The following WDR7 variants were observed in gnomAD, a reference collection of about 807,000 sequenced individuals.
WDR7 encodes the protein WD repeat-containing protein 7.
WDR7 carries 46 observed loss-of-function variants against 169.4 expected under a neutral mutation model. That is an observed-to-expected ratio of 0.27 (90% CI 0.21 to 0.35). The LOEUF (loss-of-function observed/expected upper bound fraction) is 0.35, where lower values mean the gene tolerates loss of function less well. WDR7 is among the 10% of genes least tolerant of loss of function. WDR7 has a pLI of 1.00. For missense variants in WDR7, 1,534 were observed against 1,859.3 expected (o/e 0.83, Z 3.22); for synonymous variants, 612 against 666.8 (o/e 0.92, Z 1.27).
chr18:56,974,361 G>GC (rs146651837), intron 26 of WDR7, among the ~76,000 whole-genome samples: 4,791 of 121,276 alleles, frequency 0.04, 111 homozygotes, highest in Non-Finnish European at 0.052. Flanking sequence ...TGCTTTTCTT[G>GC]CTTTTTTTTT....
chr18:56,795,437 AATCTT>A (rs1252212396), intron 19 of WDR7, among the ~76,000 whole-genome samples: 1 of 152,130 alleles, frequency 6.6e-6, no homozygotes, highest in Non-Finnish European at 1.5e-5. Flanking sequence ...CTTTCATTTG[AATCTT>A]AGAGTATATA....
intron 14 of WDR7, among the ~76,000 whole-genome samples, chr18:56,740,022 A>G (rs943264929): frequency 6.6e-6 from 1 of 152,074 alleles, no homozygotes; most frequent in Non-Finnish European, 1.5e-5. Flanking sequence ...AGAAACTCCA[A>G]TAACATGTAA....
chr18:57,004,826 T>C (rs2048033065), intron 26 of WDR7, among the ~76,000 whole-genome samples: 1 of 152,186 alleles, frequency 6.6e-6, no homozygotes, highest in African/African-American at 2.4e-5. Context: ...CATTATGACA[T>C]TGAGTTCTGA....
chr18:56,904,863 T>G (rs933385142), intron 21 of WDR7, among the ~76,000 whole-genome samples: 1 of 152,132 alleles, frequency 6.6e-6, no homozygotes, highest in Admixed American at 6.6e-5. Flanking sequence ...ATTAACAAAT[T>G]GTTATATAAA....
intron 26 of WDR7, among the ~76,000 whole-genome samples, chr18:57,004,213 A>G (rs536870444): frequency 6.6e-6 from 1 of 152,174 alleles, no homozygotes; most frequent in Non-Finnish European, 1.5e-5. Context: ...AATATCTAGG[A>G]GCTCCAGATA....
At chr18:56,805,276 CCTAACATGATGTAA>C (rs879522477) in intron 19 of WDR7, among the ~76,000 whole-genome samples, 96 of 152,290 alleles carry the variant, frequency 6.3e-4, no homozygotes, top group Non-Finnish European at 1.1e-3. Context: ...GGTAATACTT[CCTAACATGATGTAA>C]CTAACATGAT....
chr18:56,927,250 C>T, intron 22 of WDR7, among the ~76,000 whole-genome samples: 1 of 152,142 alleles, frequency 6.6e-6, no homozygotes, highest in Non-Finnish European at 1.5e-5. Context: ...CATGTCCCGA[C>T]ATCTCCTGCT....
At chr18:56,879,513 A>G (rs184457146) in intron 20 of WDR7, among the ~76,000 whole-genome samples, 2 of 152,324 alleles carry the variant, frequency 1.3e-5, no homozygotes, top group East Asian at 1.9e-4. Context: ...TGATTTGACA[A>G]TAGTTTCTCT....
chr18:57,021,111 C>A (rs1568317232), intron 27 of WDR7, among the ~76,000 whole-genome samples: 3 of 152,162 alleles, frequency 2.0e-5, no homozygotes, highest in South Asian at 2.1e-4. Context: ...AATAAGCAAG[C>A]AATTATGGTC....
chr18:56,744,225 C>T (rs1402042576), intron 14 of WDR7, among the ~76,000 whole-genome samples: 1 of 118,816 alleles, frequency 8.4e-6, no homozygotes, highest in African/African-American at 3.2e-5. Context: ...GGTGACAGAG[C>T]GAGACTCCGT....
At chr18:57,002,678 G>C (rs1308291167) in intron 26 of WDR7, among the ~76,000 whole-genome samples, 1 of 152,152 alleles carries the variant, frequency 6.6e-6, no homozygotes, top group East Asian at 1.9e-4. Flanking sequence ...AAAATGTTCT[G>C]TAACACTTGA....
chr18:56,888,800 C>T (rs1047307438), intron 21 of WDR7, among the ~76,000 whole-genome samples: 3 of 152,072 alleles, frequency 2.0e-5, no homozygotes, highest in Admixed American at 6.6e-5. Flanking sequence ...AGTCATTTCC[C>T]GAGGCAGCAG....
At chr18:56,847,102 C>T (rs1049938859) in intron 20 of WDR7, among the ~76,000 whole-genome samples, 2 of 151,980 alleles carry the variant, frequency 1.3e-5, no homozygotes, top group Non-Finnish European at 2.9e-5. Context: ...TGGTTGTGAC[C>T]AAAATACTCA....
chr18:56,778,512 T>C (rs1295346143), intron 17 of WDR7, among the ~76,000 whole-genome samples: 1 of 152,188 alleles, frequency 6.6e-6, no homozygotes, highest in Non-Finnish European at 1.5e-5. Context: ...ATTTATTGTA[T>C]ATGTATTTTC....
intron 26 of WDR7, among the ~76,000 whole-genome samples, chr18:57,008,471 C>G (rs941578570): frequency 2.6e-5 from 4 of 152,190 alleles, no homozygotes; most frequent in Admixed American, 1.3e-4. Context: ...TTCAAGCCTG[C>G]CTGTCTCCAC....
intron 26 of WDR7, among the ~76,000 whole-genome samples, chr18:57,018,269 G>T (rs912799875): frequency 2.6e-5 from 4 of 152,226 alleles, no homozygotes; most frequent in Non-Finnish European, 4.4e-5. Context: ...TTCAAGAAGG[G>T]CCAGTTTTTC....
chr18:56,914,855 C>T (rs1289447256), intron 21 of WDR7, among the ~76,000 whole-genome samples: 10 of 152,010 alleles, frequency 6.6e-5, no homozygotes, highest in African/African-American at 1.7e-4. Context: ...TACATTATAC[C>T]AAAAGCAAAA....
chr18:56,947,135 A>C (rs2047114033), intron 25 of WDR7, among the ~76,000 whole-genome samples: 1 of 152,236 alleles, frequency 6.6e-6, no homozygotes. Context: ...ATGTTTTATC[A>C]CTGTAACAAA....
chr18:56,848,161 T>G (rs1404376294), intron 20 of WDR7, among the ~76,000 whole-genome samples: 1 of 152,224 alleles, frequency 6.6e-6, no homozygotes, highest in Non-Finnish European at 1.5e-5. Flanking sequence ...GCCTACCCCT[T>G]GCACAGTGTG....
Sources: allele counts gnomAD v4.1 joint callset (sites outside exome capture counted in the v4.1 genomes callset), GRCh38; gene constraint gnomAD v4.1.1; transcripts MANE v1.5; gene names NCBI Gene and HGNC (gene_info 2026-07-23, HGNC 2026-07-21).